The following MASP2 variants were observed in gnomAD, a reference collection of about 807,000 sequenced individuals.
MASP2 encodes mannan-binding lectin serine protease 2.
In MASP2, 49 loss-of-function variants were observed where a neutral mutation model predicts 57.1. The observed-to-expected ratio is 0.86, with a 90% CI of 0.68 to 1.09. MASP2 has a LOEUF of 1.09. Among genes scored for constraint, MASP2 ranks in the 50% least tolerant of loss-of-function variants. MASP2 has a pLI of 0.00. For synonymous variants in MASP2, 379 were observed against 340.8 expected, an observed-to-expected ratio of 1.11 and a Z score of -1.24; for missense variants, 900 against 874.8, an observed-to-expected ratio of 1.03 and a Z score of -0.36.
In MASP2 at chr1:11,045,420, G is replaced by C; in HGVS notation, c.532C>G (p.Arg178Gly). The change falls in exon 4 of 11, where the codon CGC becomes GGC. Residue 178 changes from arginine to glycine, a missense_variant. Coordinates refer to ENST00000400897, the MANE Select transcript of MASP2 (RefSeq NM_006610.4). ...CAGCCTCCCTCACCTGAGCAGGTGCGCTTGTTACGGTGCAGGACGTAGCCT... is the reference window on the plus strand; with the variant it reads ...CAGCCTCCCTCACCTGAGCAGGTGCCCTTGTTACGGTGCAGGACGTAGCCT... ...RAGYVLHRNK[R>G]TCSALCSGQV... 1.2e-6 allele frequency: 2 copies of C among 1,613,170 alleles called. No homozygotes were observed. The highest frequency in any genetic ancestry group is 1.7e-6 in the Non-Finnish European group (2 of 1,179,940).
Position 11,027,615 on chromosome 1 carries a change from C to T in MASP2, c.1331G>A (p.Arg444His), listed in dbSNP as rs571956287. The T allele has an allele frequency of 1.8e-5, 29 of 1,613,668 alleles. No homozygotes were observed. Among genetic ancestry groups the T allele is most frequent in the Admixed American group, 1.0e-4 (6 of 59,978 alleles). ...CGLSARTTGG[R>H]IYGGQKAKPG... The stretch of plus-strand genomic sequence containing the variant: ...TTTTGCCTTTTGCCCTCCATATATA[C>T]GCCCTCCTGTTGTGCGGGCTGATAG... The change falls in exon 11 of 11, where the codon CGT (arginine) becomes CAT (histidine). Residue 444 changes from arginine (R) to histidine (H), a missense_variant. Arg to His is a conservative substitution (Grantham distance 29). Coordinates refer to ENST00000400897, the MANE Select transcript of MASP2 (RefSeq NM_006610.4).
chr1:11,039,114 G>C (rs1638335522), intron 6 of MASP2, among the ~76,000 whole-genome samples: 1 of 151,712 alleles, frequency 6.6e-6, no homozygotes, highest in African/African-American at 2.4e-5. Flanking sequence ...TTCAAGGATA[G>C]CTTCCTAGCT....
At chr1:11,035,287 A>T (rs1461358977) in intron 7 of MASP2, among the ~76,000 whole-genome samples, 1 of 151,964 alleles carries the variant, frequency 6.6e-6, no homozygotes, top group African/African-American at 2.4e-5. Context: ...ACTCCTGGAG[A>T]CCAAGGCGGG....
chr1:11,047,044 G>C lies in MASP2; in HGVS notation c.81C>G (p.Phe27Leu). The C allele has an allele frequency of 5.2e-6, 8 of 1,551,110 alleles. No individual in the cohort carries two copies. Among genetic ancestry groups the C allele is most frequent in the Admixed American group, 3.9e-5 (2 of 51,050 alleles). Reference protein sequence around the residue: ...PLGPKWPEPVFGRLASPGFPG... With the variant: ...PLGPKWPEPVLGRLASPGFPG... ...GAAAGCCGGGGGATGCCAGGCGCCC[G>C]AACACAGGTTCAGGCCACTTCGGGC... The change falls in exon 2 of 11, where the codon TTC becomes TTG. Residue 27 changes from phenylalanine to leucine, a missense_variant. Coordinates refer to ENST00000400897, the MANE Select transcript of MASP2 (RefSeq NM_006610.4).
rs771458535 is a variant in MASP2, at chr1:11,027,428, T to C, written c.1518A>G (p.Ser506=). 35 of 1,614,020 alleles carry C rather than the reference T, an allele frequency of 2.2e-5. No individual in the cohort carries two copies. Among genetic ancestry groups the C allele is most frequent in the African/African-American group, 1.7e-4 (13 of 74,924 alleles). The change falls in exon 11 of 11, where the codon TCA becomes TCG. Residue 506 remains serine (S), a synonymous_variant. Transcript: ENST00000400897. ...DIRMGTLKRL[S]PHYTQAWSEA... The stretch of plus-strand genomic sequence containing the variant: ...CAGACCAGGCTTGTGTATAATGAGG[T>C]GATAGTCTTTTCAGGGTGCCCATTC...
chr1:11,030,096 A>C (rs1643817148), intron 10 of MASP2, 80 bp downstream of exon 10: 2 of 1,003,328 alleles, frequency 2.0e-6, no homozygotes, highest in Non-Finnish European at 3.1e-6. Flanking sequence ...TGCCTACCAC[A>C]GCTAAAGCTC....
Position 11,027,013 on chromosome 1 carries a change from C to G in MASP2, c.1933G>C (p.Glu645Gln), listed in dbSNP as rs1643745291. Reference protein sequence around the residue: ...GALVFLDSETERWFVGGIVSW... With the variant: ...GALVFLDSETQRWFVGGIVSW... ...ACTATTCCTCCCACAAACCACCTCT[C>G]TGTTTCACTATCTAGAAACACCAGT... Residue 645 changes from glutamate (E) to glutamine (Q), a missense_variant, in exon 11 of 11, where the codon GAG (glutamate) becomes CAG (glutamine). Transcript: ENST00000400897. The G allele has an allele frequency of 1.3e-6, 2 of 1,599,504 alleles. No homozygotes were observed. The highest frequency in any genetic ancestry group is 1.7e-6 in the Non-Finnish European group (2 of 1,173,198).
intron 6 of MASP2, among the ~76,000 whole-genome samples, chr1:11,038,451 A>G (rs1256700881): frequency 6.6e-6 from 1 of 152,108 alleles, no homozygotes; most frequent in African/African-American, 2.4e-5. Flanking sequence ...TGATTTGGGG[A>G]GCCTCAGGCT....
chr1:11,040,325 T>C (rs141635918), intron 6 of MASP2, among the ~76,000 whole-genome samples: 5,469 of 152,174 alleles, frequency 0.036, 335 homozygotes, highest in African/African-American at 0.13. Flanking sequence ...AAAAATTAGC[T>C]GGGCATGGTG....
In MASP2 at chr1:11,034,155, A is replaced by G. The variant is rs1643872175; in HGVS notation, c.1087+673T>C. Among the ~76,000 whole-genome samples the G allele has an allele frequency of 2.0e-5, 3 of 151,252 alleles. No homozygotes were observed. The South Asian group carries it at 6.3e-4, about 32-fold the overall frequency. On this transcript the variant is annotated intron_variant, in intron 8 of 10. Transcript: ENST00000400897. ...TCCTGGGGGTAGCTGACGTGGGAGA[A>G]TCGCTTGAACCCAGGAGACAGAGGT... is the stretch of plus-strand genomic sequence containing the variant.
At chr1:11,028,706 C>CTTTTTTTTTTTTT (rs1184236433) in intron 10 of MASP2, among the ~76,000 whole-genome samples, 2 of 12,066 alleles carry the variant, frequency 1.7e-4, no homozygotes, top group Non-Finnish European at 4.6e-4. Context: ...GGTTTTTTTT[C>CTTTTTTTTTTTTT]TTTTTTTTTT....
At chr1:11,045,070 C>T in intron 4 of MASP2, 1 of 958,378 alleles carries the variant, frequency 1.0e-6, no homozygotes, top group Admixed American at 2.1e-5. Flanking sequence ...TGGCCCGTCC[C>T]ACAGTGCAGG....
chr1:11,030,097 G>T, intron 10 of MASP2, 79 bp downstream of exon 10: 2 of 1,032,962 alleles, frequency 1.9e-6, no homozygotes, highest in Non-Finnish European at 2.9e-6. Flanking sequence ...GCCTACCACA[G>T]CTAAAGCTCT....
At chr1:11,033,963 ACACTCTCTCT>A (rs1380122179) in intron 8 of MASP2, among the ~76,000 whole-genome samples, 6 of 8,432 alleles carry the variant, frequency 7.1e-4, no homozygotes, top group African/African-American at 2.2e-3. Context: ...ACACACACAC[ACACTCTCTCT>A]CTCTCTCTCT....
chr1:11,027,562 T>C lies in MASP2; in HGVS notation c.1384A>G (p.Ile462Val), dbSNP rs750318110. Residue 462 changes from isoleucine (I) to valine (V), a missense_variant, in exon 11 of 11, where the codon ATA becomes GTA. Coordinates refer to ENST00000400897, the MANE Select transcript of MASP2 (RefSeq NM_006610.4). ...CCTGCTGCTGTGGTTCCACCTAATATCAGGACTTGCCAAGGAAAATCACCA... is the reference window on the plus strand; with the variant it reads ...CCTGCTGCTGTGGTTCCACCTAATACCAGGACTTGCCAAGGAAAATCACCA... ...KPGDFPWQVL[I>V]LGGTTAAGAL... The C allele has an allele frequency of 5.6e-6, 9 of 1,614,170 alleles. No homozygotes were observed. Among genetic ancestry groups the C allele is most frequent in the East Asian group, 2.2e-5 (1 of 44,888 alleles).
chr1:11,026,909 G>C lies in MASP2; in HGVS notation c.2037C>G (p.Ile679Met). The C allele has an allele frequency of 6.7e-7, 1 of 1,483,746 alleles. No individual in the cohort carries two copies. The highest frequency in any genetic ancestry group is 8.9e-7 in the Non-Finnish European group (1 of 1,117,774). The allele number at this position is 1,483,746 out of a possible 1,614,324, so 91.9% of individuals were successfully genotyped here. A position where few individuals can be genotyped will look rare whatever the true frequency, so the allele number is the denominator to read the frequency against. The change falls in exon 11 of 11, where the codon ATC (isoleucine) becomes ATG (methionine). Residue 679 changes from isoleucine to methionine, a missense_variant. Physicochemically the swap from Ile to Met is conservative, Grantham distance 10. Transcript: ENST00000400897. ...YTKVINYIPW[I>M]ENIISDF is the part of the protein sequence containing the mutation. ...GTTAAAAATCACTAATTATGTTCTC[G>C]ATCCAGGGAATATAGTTAATAACTT...
At chr1:11,043,837 C>T (rs895131317) in intron 4 of MASP2, among the ~76,000 whole-genome samples, 2 of 151,750 alleles carry the variant, frequency 1.3e-5, no homozygotes. Flanking sequence ...CCCCAGGGAG[C>T]GTGGTGGTGT....
Position 11,030,228 on chromosome 1 carries a change from A to G in MASP2, c.1245T>C (p.Asp415=), listed in dbSNP as rs564125125. 1.1e-5 allele frequency: 17 copies of G among 1,613,792 alleles called. No homozygotes were observed. Among genetic ancestry groups the G allele is most frequent in the South Asian group, 5.5e-5 (5 of 91,024 alleles). The change falls in exon 10 of 11, where the codon GAT becomes GAC. Residue 415 remains aspartate (D), a synonymous_variant. Coordinates refer to ENST00000400897, the MANE Select transcript of MASP2 (RefSeq NM_006610.4). ...CTCCTTTGGAGCTCGTCCAGAATCCATCAGCCTCACACACATATTTACCTG... is the reference window on the plus strand; with the variant it reads ...CTCCTTTGGAGCTCGTCCAGAATCCGTCAGCCTCACACACATATTTACCTG... ...VNDGKYVCEA[D]GFWTSSKGEK...
At chr1:11,030,307 T>C in intron 9 of MASP2, 57 bp from the exon 10 acceptor site, 2 of 1,208,016 alleles carry the variant, frequency 1.7e-6, no homozygotes, top group Non-Finnish European at 1.2e-6. Flanking sequence ...TGGTTGTCAT[T>C]TGCTTGAATA....
Sources: allele counts gnomAD v4.1 joint callset (sites outside exome capture counted in the v4.1 genomes callset), GRCh38; gene constraint gnomAD v4.1.1; transcripts MANE v1.5; gene names NCBI Gene and HGNC (gene_info 2026-07-23, HGNC 2026-07-21).